PPFIBP1: variants seen among roughly 807,000 people sequenced by gnomAD.
PPFIBP1 encodes liprin-beta-1.
PPFIBP1 carries 112 observed loss-of-function variants against 137.8 expected under a neutral mutation model. That is an observed-to-expected ratio of 0.81 (90% CI 0.70 to 0.95). The LOEUF (loss-of-function observed/expected upper bound fraction) is 0.95. Ranked by LOEUF, PPFIBP1 falls within the 40% of genes least tolerant of loss-of-function variation. PPFIBP1 has a pLI of 0.00. For missense variants in PPFIBP1, 1,083 were observed against 1,196.6 expected (o/e 0.91, Z 1.40); for synonymous variants, 378 against 417.3 (o/e 0.91, Z 1.15).
chr12:27,547,148 G>A (rs1318594738), intron 1 of PPFIBP1: 1 of 152,226 alleles, frequency 6.6e-6, no homozygotes, highest in Non-Finnish European at 1.5e-5. Context: ...TATGTCTTTT[G>A]TGGGCAGCCA....
intron 10 of PPFIBP1, among the ~76,000 whole-genome samples, chr12:27,660,543 T>C (rs1422413691): frequency 3.9e-5 from 6 of 152,218 alleles, no homozygotes; most frequent in African/African-American, 1.4e-4. Context: ...GCTTTATAGA[T>C]TCCTGTTTTA....
chr12:27,620,386 A>G (rs2056225698), intron 2 of PPFIBP1, among the ~76,000 whole-genome samples: 1 of 152,042 alleles, frequency 6.6e-6, no homozygotes, highest in African/African-American at 2.4e-5. Flanking sequence ...CTCAAACATC[A>G]ACTACATGAA....
chr12:27,674,736 C>T (rs772990627), intron 17 of PPFIBP1, among the ~76,000 whole-genome samples: 6 of 151,892 alleles, frequency 4.0e-5, no homozygotes, highest in East Asian at 1.9e-4. Context: ...ATTATACACC[C>T]GGTGCCCATC....
chr12:27,636,050 TG>T (rs896854025), intron 4 of PPFIBP1: 4 of 152,234 alleles, frequency 2.6e-5, no homozygotes, highest in African/African-American at 9.6e-5. Context: ...ATCTACTTTA[TG>T]ATCTGTGGTA....
At chr12:27,678,873 A>AAAAAAAAAAAAAG (rs2060701058) in intron 19 of PPFIBP1, among the ~76,000 whole-genome samples, 1 of 101,604 alleles carries the variant, frequency 9.8e-6, no homozygotes, top group Non-Finnish European at 2.3e-5. Context: ...AAAAAAAAAA[A>AAAAAAAAAAAAAG]AAAAAAAACA....
At chr12:27,672,925 A>G (rs1170966967) in intron 15 of PPFIBP1, among the ~76,000 whole-genome samples, 1 of 151,852 alleles carries the variant, frequency 6.6e-6, no homozygotes, top group Non-Finnish European at 1.5e-5. Context: ...AGTCTGGATT[A>G]AATTAGGAAA....
At chr12:27,598,538 CTGTGTGT>C (rs1377552476) in intron 2 of PPFIBP1, among the ~76,000 whole-genome samples, 1 of 150,724 alleles carries the variant, frequency 6.6e-6, no homozygotes, top group East Asian at 1.9e-4. Context: ...TCTCTATAAT[CTGTGTGT>C]GTGTGTGTGT....
chr12:27,578,154 T>C lies in PPFIBP1; in HGVS notation c.-121T>C, dbSNP rs1475398792. 1 of 152,216 alleles carries C rather than the reference T, an allele frequency of 6.6e-6. No individual in the cohort carries two copies. The highest frequency in any genetic ancestry group is 2.4e-5 in the African/African-American group (1 of 41,468). The allele number at this position is 152,216 out of a possible 1,614,324, so 9.4% of individuals were successfully genotyped here. A position where few individuals can be genotyped will look rare whatever the true frequency, so the allele number is the denominator to read the frequency against. ...TTTTTGTATTTGTTTCTTTTCAGTA[T>C]AAAAGAACGTGTGGATCACTTTGCT... On this transcript the variant is annotated splice_region_variant and 5_prime_UTR_variant, in exon 2 of 30. Coordinates refer to ENST00000228425, the MANE Select transcript of PPFIBP1 (RefSeq NM_003622.4).
At chr12:27,664,027 T>C (rs2059707980) in intron 11 of PPFIBP1, among the ~76,000 whole-genome samples, 1 of 152,168 alleles carries the variant, frequency 6.6e-6, no homozygotes, top group Admixed American at 6.5e-5. Flanking sequence ...CTGACTTTTT[T>C]CTTTTTTTGT....
At chr12:27,646,441 G>C (rs1055232932) in intron 5 of PPFIBP1, 86 of 387,810 alleles carry the variant, frequency 2.2e-4, no homozygotes, top group Non-Finnish European at 3.2e-4. Context: ...GCGGGGTCTT[G>C]TTACATTGCC....
rs772595092 is a variant in PPFIBP1 at position 27,672,479 on chromosome 12, C to T, written c.1315C>T (p.Leu439Phe). The T allele has an allele frequency of 1.2e-6, 2 of 1,602,244 alleles. No homozygotes were observed. Among genetic ancestry groups the T allele is most frequent in the Non-Finnish European group, 1.7e-6 (2 of 1,169,978 alleles). The stretch of plus-strand genomic sequence containing the variant: ...TGTTGATACCCAACTGTGTGATAAA[C>T]TTTTGTAAGTTACATTTTATTGAAT... ...ATVDTQLCDK[L>F]LTSSLQKSSS... Residue 439 changes from leucine (L) to phenylalanine (F), a missense_variant, in exon 15 of 30, where the codon CTT becomes TTT. Leu to Phe is a conservative substitution (Grantham distance 22). Coordinates refer to ENST00000228425, the MANE Select transcript of PPFIBP1 (RefSeq NM_003622.4).
intron 2 of PPFIBP1, among the ~76,000 whole-genome samples, chr12:27,624,982 G>A (rs2056688050): frequency 6.6e-6 from 1 of 152,154 alleles, no homozygotes; most frequent in South Asian, 2.1e-4. Context: ...ATATAGATAG[G>A]ATACCCAACT....
chr12:27,552,389 G>A (rs574414580), intron 1 of PPFIBP1, among the ~76,000 whole-genome samples: 1 of 152,274 alleles, frequency 6.6e-6, no homozygotes, highest in East Asian at 1.9e-4. Flanking sequence ...CAGAGCCACC[G>A]GCCAGCCAAG....
chr12:27,599,810 C>G (rs934370012), intron 2 of PPFIBP1, among the ~76,000 whole-genome samples: 1 of 152,114 alleles, frequency 6.6e-6, no homozygotes, highest in African/African-American at 2.4e-5. Context: ...GGACATTTGA[C>G]AGAGTTTCTG....
intron 1 of PPFIBP1, among the ~76,000 whole-genome samples, chr12:27,567,695 GA>G (rs1039441515): frequency 2.6e-5 from 4 of 151,426 alleles, no homozygotes; most frequent in Non-Finnish European, 4.4e-5. Flanking sequence ...AAAGTTTCAG[GA>G]AAAAAAATAA....
At chr12:27,612,524 G>C (rs1392811344) in intron 2 of PPFIBP1, among the ~76,000 whole-genome samples, 1 of 151,746 alleles carries the variant, frequency 6.6e-6, no homozygotes, top group East Asian at 1.9e-4. Flanking sequence ...CTGTTTGTTT[G>C]TTTTAATAGA....
intron 11 of PPFIBP1, 42 bp from the exon 12 acceptor site, chr12:27,664,320 T>C (rs2059726585): frequency 1.5e-6 from 2 of 1,313,802 alleles, no homozygotes; most frequent in Non-Finnish European, 2.2e-6. Flanking sequence ...ATTACTCTTT[T>C]AAGAACATAG....
At chr12:27,653,969 C>T (rs943448160) in intron 7 of PPFIBP1, among the ~76,000 whole-genome samples, 1 of 152,134 alleles carries the variant, frequency 6.6e-6, no homozygotes, top group African/African-American at 2.4e-5. Flanking sequence ...TAAACTCAAT[C>T]CCTGATAATC....
At chr12:27,537,095 C>T (rs554070573) in intron 1 of PPFIBP1, among the ~76,000 whole-genome samples, 5 of 152,098 alleles carry the variant, frequency 3.3e-5, no homozygotes, top group African/African-American at 9.6e-5. Flanking sequence ...CAGACCTTGC[C>T]GTTGTCTCCT....
Sources: allele counts gnomAD v4.1 joint callset (sites outside exome capture counted in the v4.1 genomes callset), GRCh38; gene constraint gnomAD v4.1.1; transcripts MANE v1.5; gene names NCBI Gene and HGNC (gene_info 2026-07-23, HGNC 2026-07-21).